The following SLC24A2 variants were observed in gnomAD, a reference collection of about 807,000 sequenced individuals.
The protein encoded by SLC24A2 is solute carrier family 24 member 2.
Under a neutral mutation model 62.0 loss-of-function variants are expected in SLC24A2, and 36 were observed. That is an observed-to-expected ratio of 0.58 (90% CI 0.44 to 0.77). The LOEUF (loss-of-function observed/expected upper bound fraction) is 0.77. SLC24A2 is among the 30% of genes least tolerant of loss of function. SLC24A2 has a pLI of 0.00. For missense variants in SLC24A2, 846 were observed against 817.9 expected (o/e 1.03, Z -0.42); for synonymous variants, 358 against 294.0 (o/e 1.22, Z -2.23).
the SLC24A2 span, among the ~76,000 whole-genome samples, chr9:20,258,561 C>G: frequency 2.0e-5 from 3 of 152,162 alleles, no homozygotes; most frequent in Admixed American, 1.3e-4. Context: ...CCTCAGACGT[C>G]AGCACTCTAA....
the SLC24A2 span, among the ~76,000 whole-genome samples, chr9:20,134,493 G>A: frequency 2.0e-5 from 3 of 152,108 alleles, no homozygotes; most frequent in Admixed American, 6.6e-5. Context: ...GCCATTGGGA[G>A]TCCAAGAAAG....
intron 2 of SLC24A2, among the ~76,000 whole-genome samples, chr9:19,766,513 C>G (rs902170054): frequency 1.3e-5 from 2 of 152,294 alleles, no homozygotes; most frequent in East Asian, 1.9e-4. Flanking sequence ...GATGTTGATG[C>G]TATTGCTTTC....
chr9:19,508,261 G>T lies in SLC24A2; in HGVS notation c.*7892C>A, dbSNP rs1012866367. Reference sequence around the variant, plus strand: ...TTCAGTAACTGAGGCTCCCTCTTCCGAATAGAGTCTCAGCCCTTTAGAGAA... The same window carrying T: ...TTCAGTAACTGAGGCTCCCTCTTCCTAATAGAGTCTCAGCCCTTTAGAGAA... On this transcript the variant is annotated 3_prime_UTR_variant, in exon 11 of 11. Transcript: ENST00000341998. 2 of 152,134 alleles carry T rather than the reference G, an allele frequency of 1.3e-5. No individual in the cohort carries two copies. The highest frequency in any genetic ancestry group is 4.8e-5 in the African/African-American group (2 of 41,408). The allele number at this position is 152,134 out of a possible 1,614,324, so 9.4% of individuals were successfully genotyped here.
chr9:20,299,576 G>A, the SLC24A2 span, among the ~76,000 whole-genome samples: 1 of 152,184 alleles, frequency 6.6e-6, no homozygotes. Flanking sequence ...AGCCAGGAAG[G>A]GGAGGTTCCT....
chr9:20,277,106 A>G, the SLC24A2 span, among the ~76,000 whole-genome samples: 2 of 152,210 alleles, frequency 1.3e-5, no homozygotes, highest in Admixed American at 1.3e-4. Flanking sequence ...ATTTCTCCTC[A>G]GAAAATGGGG....
chr9:20,102,311 TA>T, the SLC24A2 span, among the ~76,000 whole-genome samples: 27 of 151,594 alleles, frequency 1.8e-4, no homozygotes, highest in Admixed American at 8.5e-4. Flanking sequence ...TATGCAGCCA[TA>T]AAAAAAAGTA....
At chr9:19,567,833 A>G (rs1835720017) in intron 7 of SLC24A2, among the ~76,000 whole-genome samples, 1 of 152,160 alleles carries the variant, frequency 6.6e-6, no homozygotes, top group Admixed American at 6.5e-5. Context: ...AAGTCATATT[A>G]TTTCTTGGTT....
chr9:20,036,510 C>T, the SLC24A2 span, among the ~76,000 whole-genome samples: 4 of 152,144 alleles, frequency 2.6e-5, no homozygotes, highest in Admixed American at 6.5e-5. Context: ...ACCCAGTCTT[C>T]GGTAACTACC....
At chr9:19,647,545 C>T (rs997826815) in intron 2 of SLC24A2, among the ~76,000 whole-genome samples, 2 of 152,072 alleles carry the variant, frequency 1.3e-5, no homozygotes, top group African/African-American at 4.8e-5. Context: ...ACTGGCTTAG[C>T]AATGCCATGG....
At chr9:20,201,071 C>G in the SLC24A2 span, among the ~76,000 whole-genome samples, 1 of 152,216 alleles carries the variant, frequency 6.6e-6, no homozygotes, top group Non-Finnish European at 1.5e-5. Context: ...GACTGTAACT[C>G]AGCCAGTTGT....
the SLC24A2 span, among the ~76,000 whole-genome samples, chr9:19,879,624 T>C: frequency 6.6e-6 from 1 of 151,974 alleles, no homozygotes; most frequent in Non-Finnish European, 1.5e-5. Flanking sequence ...AAGCCAAAAA[T>C]GCAACAACTG....
At chr9:20,182,518 A>G in the SLC24A2 span, among the ~76,000 whole-genome samples, 3 of 152,354 alleles carry the variant, frequency 2.0e-5, no homozygotes, top group East Asian at 5.8e-4. Context: ...CATCATTCTC[A>G]GCAAACTATC....
intron 2 of SLC24A2, among the ~76,000 whole-genome samples, chr9:19,651,803 G>A (rs941379087): frequency 1.3e-5 from 2 of 152,296 alleles, no homozygotes; most frequent in Non-Finnish European, 2.9e-5. Flanking sequence ...GACAGTGCCT[G>A]CATTAGCAGC....
At chr9:19,565,343 C>A in intron 7 of SLC24A2, among the ~76,000 whole-genome samples, 1 of 146,788 alleles carries the variant, frequency 6.8e-6, no homozygotes, top group Non-Finnish European at 1.5e-5. Context: ...AGAGCCAAAT[C>A]ATGAGTGAAC....
the SLC24A2 span, among the ~76,000 whole-genome samples, chr9:19,905,287 G>C: frequency 4.6e-5 from 7 of 152,060 alleles, no homozygotes; most frequent in Non-Finnish European, 8.8e-5. Flanking sequence ...CAGCTCCCCG[G>C]TATTGTCCCT....
chr9:19,604,381 TA>T (rs1464093666), intron 4 of SLC24A2, among the ~76,000 whole-genome samples: 2 of 152,230 alleles, frequency 1.3e-5, no homozygotes, highest in East Asian at 3.9e-4. Context: ...GCACTGTCTT[TA>T]AAAAATGGCA....
the SLC24A2 span, among the ~76,000 whole-genome samples, chr9:20,219,975 T>C: frequency 3.3e-5 from 5 of 152,258 alleles, no homozygotes; most frequent in East Asian, 9.6e-4. Flanking sequence ...GGGTTGAAAA[T>C]ATCTAATGAG....
chr9:19,545,537 G>T (rs181934196), intron 8 of SLC24A2, among the ~76,000 whole-genome samples: 98 of 152,134 alleles, frequency 6.4e-4, no homozygotes, highest in Middle Eastern at 3.4e-3. Context: ...CTTTTTGCGC[G>T]GGTTTCTCCC....
the SLC24A2 span, among the ~76,000 whole-genome samples, chr9:20,283,215 A>T: frequency 6.6e-6 from 1 of 152,224 alleles, no homozygotes; most frequent in African/African-American, 2.4e-5. Context: ...GCATCTAGTT[A>T]TTGGCCATGT....
Sources: gnomAD v4.1 joint callset for allele counts (sites outside exome capture counted in the v4.1 genomes callset) on GRCh38, gnomAD v4.1.1 for gene constraint, MANE v1.5 for transcripts, NCBI Gene and HGNC (gene_info 2026-07-23, HGNC 2026-07-21) for gene names.